The following TCF3 variants were observed in gnomAD, a reference collection of about 807,000 sequenced individuals.
TCF3 encodes the protein transcription factor 3, also known as transcription factor E2-alpha.
Under a neutral mutation model 72.3 loss-of-function variants are expected in TCF3, and 54 were observed. That is an observed-to-expected ratio of 0.75 (90% CI 0.60 to 0.94). The LOEUF (loss-of-function observed/expected upper bound fraction) is 0.94, where lower values mean the gene tolerates loss of function less well. Ranked by LOEUF, TCF3 falls within the 40% of genes least tolerant of loss-of-function variation. The pLI, the probability that TCF3 is intolerant of heterozygous loss-of-function variation, is 0.00. For missense variants in TCF3, 1,078 were observed against 934.4 expected (o/e 1.15, Z -2.00); for synonymous variants, 525 against 412.6 (o/e 1.27, Z -3.30).
chr19:1,651,054 C>A (rs2066951948), intron 1 of TCF3: 1 of 232,366 alleles, frequency 4.3e-6, no homozygotes, highest in South Asian at 1.8e-4. Context: ...CCTTGCCTGC[C>A]CTCCATGAGC....
intron 3 of TCF3, among the ~76,000 whole-genome samples, chr19:1,639,305 A>C (rs146814446): frequency 2.1e-4 from 32 of 152,284 alleles, no homozygotes; most frequent in African/African-American, 7.5e-4. Context: ...TGGCCTCCCA[A>C]AGTGCTGGGA....
Position 1,609,774 on chromosome 19 carries a change from C to G in TCF3, c.*1933G>C, listed in dbSNP as rs1336639100. 4.3e-6 allele frequency: 1 copy of G among 230,820 alleles called. No individual in the cohort carries two copies. Among genetic ancestry groups the G allele is most frequent in the African/African-American group, 2.2e-5 (1 of 45,126 alleles). 14.3% of individuals were successfully genotyped at this position (230,820 alleles called of 1,614,324 possible). A position where few individuals can be genotyped will look rare whatever the true frequency, so the allele number is the denominator to read the frequency against. ...GCATTGAGCTGGCCTTGAGGTTTCC[C>G]TTGCATCTACCATGGGGCCCAGGCT... On this transcript the variant is annotated 3_prime_UTR_variant, in exon 19 of 19. Transcript: ENST00000262965.
At position 1,615,536 on chromosome 19, in the gene TCF3, C is replaced by A. The variant is rs371749991; in HGVS notation, c.1587-16G>T. ...CTCGTCTGGGCTATGGGGAGGGCGC[C>A]GGGAGGGGGCCAGAGGGAGACAGTG... On this transcript the variant is annotated splice_polypyrimidine_tract_variant and intron_variant, in intron 17 of 18. Coordinates refer to ENST00000262965, the MANE Select transcript of TCF3 (RefSeq NM_003200.5). The surrounding 1 kb of genome is among the most constrained non-coding windows in gnomAD (Gnocchi z 7.3). 1.9e-6 allele frequency: 3 copies of A among 1,604,964 alleles called. No individual in the cohort carries two copies. The highest frequency in any genetic ancestry group is 1.7e-6 in the Non-Finnish European group (2 of 1,179,636).
chr19:1,615,442 G>A lies in TCF3; in HGVS notation c.1665C>T (p.Asn555=), dbSNP rs375771541. ...CACGGACCCGCAGCCGCTCCCGGGCGTTATTGGCCACCCGGCGCTCCTTCT... is the reference window on the plus strand; with the variant it reads ...CACGGACCCGCAGCCGCTCCCGGGCATTATTGGCCACCCGGCGCTCCTTCT... ...EREKERRVAN[N]ARERLRVRDI... is the part of the protein sequence containing the mutation. The change falls in exon 18 of 19, where the codon AAC becomes AAT. Residue 555 remains asparagine (N), a synonymous_variant. Transcript: ENST00000262965. This position sits in a 1 kb window ranked among gnomAD's most constrained non-coding sequence, Gnocchi z 7.3. 2.1e-5 allele frequency: 34 copies of A among 1,613,380 alleles called. No individual in the cohort carries two copies. Among genetic ancestry groups the A allele is most frequent in the Middle Eastern group, 1.6e-4 (1 of 6,082 alleles).
At chr19:1,616,927 C>T (rs950232930) in intron 16 of TCF3, among the ~76,000 whole-genome samples, 4 of 152,118 alleles carry the variant, frequency 2.6e-5, no homozygotes, top group African/African-American at 9.7e-5. Flanking sequence ...TGATCTCCCA[C>T]AATCAATGGG....
At chr19:1,619,756 G>GGGTGC in intron 14 of TCF3, 24 bp downstream of exon 14, 1 of 1,540,254 alleles carries the variant, frequency 6.5e-7, no homozygotes. Flanking sequence ...GGGAAGGGTG[G>GGGTGC]GGTGGGGCGG....
intron 5 of TCF3, 84 bp from the exon 6 acceptor site, chr19:1,627,510 T>C (rs2063037646): frequency 4.7e-6 from 6 of 1,267,374 alleles, no homozygotes; most frequent in African/African-American, 2.9e-5. Context: ...GTGCCTACAA[T>C]AGGCTCTCAG....
At chr19:1,649,324 G>A (rs1030644987) in intron 2 of TCF3, among the ~76,000 whole-genome samples, 2 of 152,240 alleles carry the variant, frequency 1.3e-5, no homozygotes, top group African/African-American at 2.4e-5. Context: ...TTTCATGCCC[G>A]CATCCTCTGC....
At chr19:1,648,977 AC>A (rs1199716494) in intron 2 of TCF3, among the ~76,000 whole-genome samples, 1 of 152,166 alleles carries the variant, frequency 6.6e-6, no homozygotes, top group Non-Finnish European at 1.5e-5. Flanking sequence ...AGCGGCCGGT[AC>A]CCCAGGGGGC....
At chr19:1,625,825 G>T in intron 6 of TCF3, 117 bp from the exon 7 acceptor site, 1 of 1,236,082 alleles carries the variant, frequency 8.1e-7, no homozygotes, top group Non-Finnish European at 1.1e-6. Flanking sequence ...AGTGGGTGAT[G>T]CCCCTTCTGC....
chr19:1,649,427 T>TGAGGAAGGATCTTACTCTATCGCC (rs1426617352), intron 2 of TCF3, among the ~76,000 whole-genome samples: 8 of 100,394 alleles, frequency 8.0e-5, no homozygotes, highest in African/African-American at 2.6e-4. Context: ...TTTACTTCTT[T>TGAGGAAGGATCTTACTCTATCGCC]GAGGAAGGAT....
At chr19:1,642,631 G>A (rs899978285) in intron 3 of TCF3, among the ~76,000 whole-genome samples, 1 of 152,156 alleles carries the variant, frequency 6.6e-6, no homozygotes, top group East Asian at 1.9e-4. Flanking sequence ...GAAAGGACAC[G>A]ATCTTTGTCA....
intron 5 of TCF3, among the ~76,000 whole-genome samples, chr19:1,631,584 T>C (rs2144881794): frequency 6.6e-6 from 1 of 151,790 alleles, no homozygotes; most frequent in South Asian, 2.1e-4. Flanking sequence ...CACGATTCTC[T>C]CGGTTAACAG....
At position 1,611,640 on chromosome 19, in the gene TCF3, G is replaced by C. The variant is rs932433689; in HGVS notation, c.*67C>G. 2.6e-6 allele frequency: 4 copies of C among 1,556,014 alleles called. No homozygotes were observed. The highest frequency in any genetic ancestry group is 2.4e-5 in the South Asian group (2 of 83,180). On this transcript the variant is annotated 3_prime_UTR_variant, in exon 19 of 19. Transcript: ENST00000262965. ...GGATGTGGATGAAGCCCGGGGTCTC[G>C]AGTGGCCGTTCTGGGGCCAGAGCAC...
At position 1,615,004 on chromosome 19, in the gene TCF3, C is replaced by T. The variant is rs2061407251; in HGVS notation, c.1822+281G>A. 6.6e-6 allele frequency among the ~76,000 whole-genome samples: 1 copy of T among 152,116 alleles called. No homozygotes were observed. The highest frequency in any genetic ancestry group is 1.5e-5 in the Non-Finnish European group (1 of 68,026). ...CCCCGTGGAGCTGGGAGATACAGTTCTGAGCCACAGAGCCCAGGCCTGAAG... is the reference window on the plus strand; with the variant it reads ...CCCCGTGGAGCTGGGAGATACAGTTTTGAGCCACAGAGCCCAGGCCTGAAG... On this transcript the variant is annotated intron_variant, in intron 18 of 18. Transcript: ENST00000262965. The surrounding 1 kb of genome is among the most constrained non-coding windows in gnomAD (Gnocchi z 7.3).
intron 6 of TCF3, 127 bp from the exon 7 acceptor site, chr19:1,625,835 C>A: frequency 1.7e-6 from 2 of 1,206,510 alleles, no homozygotes; most frequent in Non-Finnish European, 1.1e-6. Context: ...GCCCCTTCTG[C>A]CTGTCACGGT....
Position 1,612,341 on chromosome 19 carries a change from C to T in TCF3, c.1823-492G>A, listed in dbSNP as rs1477839118. ...CTCCCGGAAGGCCTCGTTAATATCC[C>T]GCACGCGCACCCGCTCCCGCGCGTT... is the stretch of plus-strand genomic sequence containing the variant. On this transcript the variant is annotated intron_variant, in intron 18 of 18. Coordinates refer to ENST00000262965, the MANE Select transcript of TCF3 (RefSeq NM_003200.5). 4.3e-6 allele frequency: 7 copies of T among 1,613,852 alleles called. No individual in the cohort carries two copies. Among genetic ancestry groups the T allele is most frequent in the Admixed American group, 1.7e-5 (1 of 60,008 alleles).
intron 8 of TCF3, among the ~76,000 whole-genome samples, chr19:1,622,959 G>C (rs553676112): frequency 2.2e-4 from 33 of 152,212 alleles, no homozygotes; most frequent in Middle Eastern, 3.2e-3. Flanking sequence ...GCTGGAGCGG[G>C]AAGTATGCTG....
rs1448918465 is a variant in TCF3 at position 1,619,177 on chromosome 19, G to A, written c.1384C>T (p.His462Tyr). The change falls in exon 16 of 19, where the codon CAC becomes TAC. Residue 462 changes from histidine (H) to tyrosine (Y), a missense_variant. By Grantham distance (83) the His-to-Tyr change is moderately conservative. Transcript: ENST00000262965. ...LAGSTSLMHN[H>Y]AALPSQPGTL... ...CCTGGCTGGCTGGGGAGGGCCGCGTGGTTGTGCATGAGGCTGGTGCTGCCT... is the reference window on the plus strand; with the variant it reads ...CCTGGCTGGCTGGGGAGGGCCGCGTAGTTGTGCATGAGGCTGGTGCTGCCT... 6.2e-6 allele frequency: 10 copies of A among 1,600,358 alleles called. No individual in the cohort carries two copies. The highest frequency in any genetic ancestry group is 1.3e-5 in the African/African-American group (1 of 74,910).
Sources: allele counts gnomAD v4.1 joint callset (sites outside exome capture counted in the v4.1 genomes callset), GRCh38; gene constraint gnomAD v4.1.1; non-coding constraint Gnocchi (gnomAD v3.1); transcripts MANE v1.5; gene names NCBI Gene and HGNC (gene_info 2026-07-23, HGNC 2026-07-21).